The following BZW2 variants were observed in gnomAD, a reference collection of about 807,000 sequenced individuals.
The protein encoded by BZW2 is eIF5-mimic protein 1.
A neutral mutation model predicts 53.2 loss-of-function variants in BZW2; 23 were observed. The ratio of observed to expected loss-of-function variants is 0.43; its 90% CI spans 0.31 to 0.61. BZW2 has a LOEUF of 0.61. Among genes scored for constraint, BZW2 ranks in the 20% least tolerant of loss-of-function variants. BZW2 has a pLI of 0.09. For synonymous variants in BZW2, 227 were observed against 186.4 expected (o/e 1.22, Z -1.77); for missense variants, 409 against 503.1 (o/e 0.81, Z 1.79).
At chr7:16,698,352 G>A (rs1003158845) in intron 10 of BZW2, 166 bp downstream of exon 10, 2 of 924,760 alleles carry the variant, frequency 2.2e-6, no homozygotes, top group Admixed American at 4.3e-5. Context: ...GTAGAGAGAG[G>A]AGGCATACAC....
chr7:16,653,806 G>C (rs990778720), intron 1 of BZW2, among the ~76,000 whole-genome samples: 2 of 152,148 alleles, frequency 1.3e-5, no homozygotes, highest in African/African-American at 4.8e-5. Flanking sequence ...TCTCCATGGA[G>C]TGGGGCTAGG....
chr7:16,657,390 T>G (rs1782149538), intron 1 of BZW2, among the ~76,000 whole-genome samples: 1 of 152,228 alleles, frequency 6.6e-6, no homozygotes, highest in South Asian at 2.1e-4. Flanking sequence ...TCATAGAAAT[T>G]AACATTTTTA....
intron 3 of BZW2, among the ~76,000 whole-genome samples, chr7:16,678,277 G>A (rs12056269): frequency 1.3e-5 from 2 of 151,652 alleles, no homozygotes; most frequent in Non-Finnish European, 2.9e-5. Context: ...GGCTGGTCTC[G>A]AACTCCTGAC....
chr7:16,683,467 A>G (rs539673582), intron 5 of BZW2, among the ~76,000 whole-genome samples: 1 of 152,252 alleles, frequency 6.6e-6, no homozygotes, highest in Non-Finnish European at 1.5e-5. Context: ...TGAAAACTAG[A>G]TAAAGTGATT....
At chr7:16,665,603 C>G (rs1159386560) in intron 2 of BZW2, 102 bp downstream of exon 2, 2 of 1,535,714 alleles carry the variant, frequency 1.3e-6, no homozygotes, top group Non-Finnish European at 1.8e-6. Flanking sequence ...CTCACTGATT[C>G]TACTCATTTG....
intron 1 of BZW2, among the ~76,000 whole-genome samples, chr7:16,653,875 T>C (rs1372139818): frequency 1.3e-5 from 2 of 151,664 alleles, no homozygotes; most frequent in African/African-American, 2.4e-5. Flanking sequence ...TGTGTTGGGG[T>C]TTTTTGTTTG....
intron 1 of BZW2, among the ~76,000 whole-genome samples, chr7:16,652,171 G>A (rs1781997578): frequency 6.6e-6 from 1 of 152,206 alleles, no homozygotes; most frequent in Non-Finnish European, 1.5e-5. Flanking sequence ...TGCCTTATCT[G>A]AAGGTTAGCT....
intron 5 of BZW2, 75 bp from the exon 6 acceptor site, chr7:16,685,830 T>A: frequency 1.4e-6 from 2 of 1,451,984 alleles, no homozygotes; most frequent in Non-Finnish European, 1.8e-6. Flanking sequence ...CCCACTTCAG[T>A]CCTTTGCTTC....
intron 1 of BZW2, among the ~76,000 whole-genome samples, chr7:16,658,643 G>A (rs903734533): frequency 7.2e-5 from 11 of 152,010 alleles, no homozygotes; most frequent in Admixed American, 1.3e-4. Flanking sequence ...TTGGGAGGCC[G>A]GGGTGGGCAG....
rs138237776 is a variant in BZW2, at chr7:16,693,989, A to G, written c.652-845A>G. On this transcript the variant is annotated intron_variant, in intron 7 of 11. Coordinates refer to ENST00000258761, the MANE Select transcript of BZW2 (RefSeq NM_014038.3). ...CCATTGGCCATATATATGCAAGTCT[A>G]ACCAATACAAAAGCTTGGATATATT... Among the ~76,000 whole-genome samples the G allele has an allele frequency of 7.1e-3, 1,077 of 152,308 alleles. 10 individuals carry two copies. Among genetic ancestry groups the G allele is most frequent in the African/African-American group, 0.024 (1,001 of 41,572 alleles).
At chr7:16,656,961 A>C (rs1382247753) in intron 1 of BZW2, among the ~76,000 whole-genome samples, 1 of 152,124 alleles carries the variant, frequency 6.6e-6, no homozygotes, top group East Asian at 1.9e-4. Flanking sequence ...TGAATTTGCC[A>C]ACACAAGACA....
rs12671288 is a variant in BZW2, at chr7:16,653,001, A to G, written c.-8+6713A>G. Among the ~76,000 whole-genome samples, 3,449 of 151,774 alleles carry G rather than the reference A, an allele frequency of 0.023. 265 individuals carry two copies. The East Asian group carries it at 0.28, about 12-fold the overall frequency. On this transcript the variant is annotated intron_variant, in intron 1 of 11. Coordinates refer to ENST00000258761, the MANE Select transcript of BZW2 (RefSeq NM_014038.3). ...GCATTTCTATCCAGTTCATGCTCTC[A>G]TTATGTAATAAGCATGCATATGGAA...
intron 1 of BZW2, among the ~76,000 whole-genome samples, chr7:16,662,746 C>T (rs1782303575): frequency 6.6e-6 from 1 of 151,848 alleles, no homozygotes; most frequent in Non-Finnish European, 1.5e-5. Context: ...GTAACACCCT[C>T]ATCTCTAAGG....
intron 1 of BZW2, among the ~76,000 whole-genome samples, chr7:16,647,612 C>T (rs750313591): frequency 1.3e-5 from 2 of 152,186 alleles, no homozygotes; most frequent in Non-Finnish European, 2.9e-5. Context: ...CAGTGTATAA[C>T]AAAGATACTT....
chr7:16,681,226 C>T, intron 3 of BZW2, 75 bp from the exon 4 acceptor site: 1 of 1,146,136 alleles, frequency 8.7e-7, no homozygotes, highest in Non-Finnish European at 1.3e-6. Context: ...TTTCATTTGC[C>T]AGAATTGATG....
chr7:16,705,236 G>A lies in BZW2; in HGVS notation c.1231+567G>A, dbSNP rs554053160. On this transcript the variant is annotated intron_variant, in intron 11 of 11. Transcript: ENST00000258761. ...TAGCCAGGTATGGTGGCTCACGCCT[G>A]TAGTCCCAGGTACTCGGGAGGGTGA... 5.5e-4 allele frequency among the ~76,000 whole-genome samples: 84 copies of A among 152,240 alleles called. 1 individual carries two copies. The highest frequency in any genetic ancestry group is 1.9e-3 in the African/African-American group (77 of 41,534).
Position 16,681,413 on chromosome 7 carries a change from T to G in BZW2, c.339+9T>G. On this transcript the variant is annotated intron_variant, in intron 4 of 11. Transcript: ENST00000258761. Reference sequence around the variant, plus strand: ...TCCGAAACTATGCTCAGGTAGAGCCTGTTTGAGAGACTGAAGCATTTGAAG... The same window carrying G: ...TCCGAAACTATGCTCAGGTAGAGCCGGTTTGAGAGACTGAAGCATTTGAAG... 6.2e-7 allele frequency: 1 copy of G among 1,607,578 alleles called. No homozygotes were observed. The highest frequency in any genetic ancestry group is 8.5e-7 in the Non-Finnish European group (1 of 1,174,566).
At chr7:16,701,673 A>T (rs945704091) in intron 10 of BZW2, among the ~76,000 whole-genome samples, 3 of 152,198 alleles carry the variant, frequency 2.0e-5, no homozygotes, top group Admixed American at 1.3e-4. Flanking sequence ...AATACATTAG[A>T]ACTCTACAAA....
In BZW2 at chr7:16,684,074, T is replaced by C. The variant is rs552011437; in HGVS notation, c.405+1229T>C. ...TATTGAAAAATAGCCTAAATGTTCA[T>C]TGGTGGGAGATGAAGACTGTTTAAT... On this transcript the variant is annotated intron_variant, in intron 5 of 11. Transcript: ENST00000258761. Among the ~76,000 whole-genome samples the C allele has an allele frequency of 1.6e-3, 237 of 152,338 alleles. 2 individuals are homozygous for C. The highest frequency in any genetic ancestry group is 5.4e-3 in the African/African-American group (224 of 41,586).
Sources: allele counts gnomAD v4.1 joint callset (sites outside exome capture counted in the v4.1 genomes callset), GRCh38; gene constraint gnomAD v4.1.1; transcripts MANE v1.5; gene names NCBI Gene and HGNC (gene_info 2026-07-23, HGNC 2026-07-21).